The following EFCAB8 variants were observed in gnomAD, a reference collection of about 807,000 sequenced individuals.
The protein encoded by EFCAB8 is EF-hand calcium-binding domain-containing protein 8.
In EFCAB8, 100 loss-of-function variants were observed where a neutral mutation model predicts 116.3. That is an observed-to-expected ratio of 0.86 (90% CI 0.73 to 1.02). The LOEUF is 1.02. Ranked by LOEUF, EFCAB8 falls within the 50% of genes least tolerant of loss-of-function variation. The pLI, the probability that EFCAB8 is intolerant of heterozygous loss-of-function variation, is 0.00. For missense variants in EFCAB8, 1,320 were observed against 1,416.9 expected (o/e 0.93, Z 1.10); for synonymous variants, 558 against 567.9 (o/e 0.98, Z 0.25).
intron 20 of EFCAB8, among the ~76,000 whole-genome samples, chr20:32,925,914 G>A (rs767410819): frequency 6.6e-5 from 10 of 152,248 alleles, no homozygotes; most frequent in African/African-American, 1.9e-4. Flanking sequence ...GCAATGTATT[G>A]GATGGGGCTG....
rs1986273315 is a variant in EFCAB8, at chr20:32,898,534, C to G, written c.999C>G (p.Pro333=). Residue 333 remains proline (P), a synonymous_variant, in exon 11 of 27, where the codon CCC becomes CCG. Coordinates refer to ENST00000400522, the MANE Select transcript of EFCAB8 (RefSeq NM_001143967.2). ...GGTGTGAGCAGGTCAAGTTCATCCC[C>G]CAGATGAATGTGGTAGTCTCCTGTT... The part of the protein sequence containing the change: ...PNWCEQVKFI[P]QMNVVVSCSA... The G allele has an allele frequency of 2.8e-6, 2 of 718,570 alleles. No individual in the cohort carries two copies. The highest frequency in any genetic ancestry group is 1.5e-5 in the South Asian group (1 of 67,582). 44.5% of individuals were successfully genotyped at this position (718,570 alleles called of 1,614,324 possible). A position where few individuals can be genotyped will look rare whatever the true frequency, so the allele number is the denominator to read the frequency against.
At position 32,885,591 on chromosome 20, in the gene EFCAB8, G is replaced by C; in HGVS notation, c.518G>C (p.Gly173Ala). 1 of 1,551,838 alleles carries C rather than the reference G, an allele frequency of 6.4e-7. No homozygotes were observed. Among genetic ancestry groups the C allele is most frequent in the Non-Finnish European group, 8.7e-7 (1 of 1,147,030 alleles). Residue 173 changes from glycine to alanine, a missense_variant, in exon 6 of 27, where the codon GGG (glycine) becomes GCG (alanine). Coordinates refer to ENST00000400522, the MANE Select transcript of EFCAB8 (RefSeq NM_001143967.2). Reference protein sequence around the residue: ...IGCFLTVTKDGILQFWSESFS... With the variant: ...IGCFLTVTKDAILQFWSESFS... Reference sequence around the variant, plus strand: ...TGTTTCCTGACTGTCACCAAAGACGGGATCCTGCAGTTCTGGTCTGAGTCC... The same window carrying C: ...TGTTTCCTGACTGTCACCAAAGACGCGATCCTGCAGTTCTGGTCTGAGTCC...
chr20:32,859,801 G>A (rs771902017), intron 1 of EFCAB8, among the ~76,000 whole-genome samples: 3 of 152,044 alleles, frequency 2.0e-5, no homozygotes, highest in Non-Finnish European at 4.4e-5. Flanking sequence ...CCACAATACA[G>A]TTATCAAAAG....
chr20:32,941,259 A>T (rs377559619), intron 22 of EFCAB8, among the ~76,000 whole-genome samples: 1 of 137,712 alleles, frequency 7.3e-6, no homozygotes, highest in Non-Finnish European at 1.6e-5. Context: ...AACTCTGTTT[A>T]AAAAAAAAAA....
At chr20:32,935,791 G>A (rs1745226901) in intron 22 of EFCAB8, among the ~76,000 whole-genome samples, 1 of 151,992 alleles carries the variant, frequency 6.6e-6, no homozygotes, top group African/African-American at 2.4e-5. Context: ...AAGAGTGAGT[G>A]CACCTGGCCC....
At chr20:32,955,984 A>AC (rs150666666) in intron 23 of EFCAB8, among the ~76,000 whole-genome samples, 6,443 of 152,214 alleles carry the variant, frequency 0.042, 171 homozygotes, top group Non-Finnish European at 0.067. Context: ...ACAATTATGT[A>AC]GTTGGGTTGA....
chr20:32,905,051 C>T (rs925407070), intron 11 of EFCAB8, among the ~76,000 whole-genome samples: 27 of 152,188 alleles, frequency 1.8e-4, no homozygotes, highest in African/African-American at 6.0e-4. Flanking sequence ...GGGCCCTGGC[C>T]TTCCTGGAAC....
At chr20:32,936,264 C>T (rs542216715) in intron 22 of EFCAB8, among the ~76,000 whole-genome samples, 1 of 152,130 alleles carries the variant, frequency 6.6e-6, no homozygotes, top group Admixed American at 6.5e-5. Flanking sequence ...GAACTCTTGA[C>T]CTCAGGCAAT....
intron 14 of EFCAB8, 150 bp downstream of exon 14, chr20:32,908,562 G>A (rs565248359): frequency 1.5e-5 from 13 of 857,646 alleles, no homozygotes; most frequent in East Asian, 1.3e-4. Context: ...GTGAGGGGCC[G>A]TGTCTTGGGA....
chr20:32,935,586 A>G (rs938456350), intron 22 of EFCAB8, among the ~76,000 whole-genome samples: 1 of 151,744 alleles, frequency 6.6e-6, no homozygotes, highest in African/African-American at 2.4e-5. Context: ...AGCTCACCAC[A>G]ACCTCCGCCT....
chr20:32,936,020 T>A (rs80167635), intron 22 of EFCAB8, among the ~76,000 whole-genome samples: 10,866 of 151,600 alleles, frequency 0.072, 588 homozygotes, highest in African/African-American at 0.15. Context: ...TTTTATTTAT[T>A]TTTATTTTTA....
chr20:32,908,479 G>C, intron 14 of EFCAB8, 67 bp downstream of exon 14: 1 of 1,247,220 alleles, frequency 8.0e-7, no homozygotes, highest in Non-Finnish European at 1.0e-6. Context: ...TGAATCCCAT[G>C]GGACACCCAA....
chr20:32,906,418 C>G, intron 11 of EFCAB8, 144 bp from the exon 12 acceptor site: 2 of 634,412 alleles, frequency 3.2e-6, no homozygotes, highest in Non-Finnish European at 5.7e-6. Context: ...GGCTACTCCT[C>G]TCCTAGGATG....
At position 32,938,394 on chromosome 20, in the gene EFCAB8, A is replaced by G. The variant is rs562142638; in HGVS notation, c.2791-5242A>G. Among the ~76,000 whole-genome samples, 2 of 150,102 alleles carry G rather than the reference A, an allele frequency of 1.3e-5. 1 individual carries two copies. Among genetic ancestry groups the G allele is most frequent in the South Asian group, 4.2e-4 (2 of 4,770 alleles). ...TAAATACTTTCCTGTAAAATCAGAA[A>G]TAAAACAAGAATGGTTACTCTTGCC... On this transcript the variant is annotated intron_variant, in intron 22 of 26. Transcript: ENST00000400522.
At chr20:32,885,257 A>C (rs1985554278) in intron 5 of EFCAB8, among the ~76,000 whole-genome samples, 1 of 152,040 alleles carries the variant, frequency 6.6e-6, no homozygotes. Flanking sequence ...GCTGCTTCTC[A>C]CTTCTGGAGC....
intron 2 of EFCAB8, among the ~76,000 whole-genome samples, chr20:32,866,128 A>G (rs558597861): frequency 4.5e-4 from 69 of 152,224 alleles, no homozygotes; most frequent in African/African-American, 1.5e-3. Flanking sequence ...GACCCTCACT[A>G]TGTTCACGGT....
chr20:32,876,620 T>C (rs1176663153), intron 4 of EFCAB8, among the ~76,000 whole-genome samples: 1 of 152,228 alleles, frequency 6.6e-6, no homozygotes, highest in Non-Finnish European at 1.5e-5. Flanking sequence ...AAGCTCTCTA[T>C]GTATTATTTT....
chr20:32,867,715 A>G lies in EFCAB8; in HGVS notation c.176A>G (p.Lys59Arg). The change falls in exon 3 of 27, where the codon AAA (lysine) becomes AGA (arginine). Residue 59 changes from lysine to arginine, a missense_variant. Physicochemically the swap from Lys to Arg is conservative, Grantham distance 26. Coordinates refer to ENST00000400522, the MANE Select transcript of EFCAB8 (RefSeq NM_001143967.2). ...FTEIHLAKIE[K>R]MFEEDINSTG... is the part of the protein sequence containing the mutation. ...GAGATACACCTGGCCAAGATAGAGA[A>G]AATGTTTGAGGAGGACATCAACTCG... 1 of 1,551,654 alleles carries G rather than the reference A, an allele frequency of 6.4e-7. No individual in the cohort carries two copies. The highest frequency in any genetic ancestry group is 1.2e-5 in the South Asian group (1 of 84,050).
intron 5 of EFCAB8, among the ~76,000 whole-genome samples, chr20:32,881,945 C>A (rs550966805): frequency 5.3e-5 from 8 of 152,336 alleles, no homozygotes; most frequent in African/African-American, 1.9e-4. Flanking sequence ...TGGTGGCTCA[C>A]ACCTGTAATC....
Sources: allele counts gnomAD v4.1 joint callset (sites outside exome capture counted in the v4.1 genomes callset), GRCh38; gene constraint gnomAD v4.1.1; transcripts MANE v1.5; gene names NCBI Gene and HGNC (gene_info 2026-07-23, HGNC 2026-07-21).